The following NTM variants were observed in gnomAD, a reference collection of about 807,000 sequenced individuals.
The protein encoded by NTM is neurotrimin, also known as IgLON family member 2.
NTM carries 13 observed loss-of-function variants against 42.1 expected under a neutral mutation model. That is an observed-to-expected ratio of 0.31 (90% confidence interval 0.20 to 0.49). The LOEUF is 0.49. Among genes scored for constraint, NTM ranks in the 20% least tolerant of loss-of-function variants. NTM has a pLI of 0.99. For synonymous variants in NTM, 187 were observed against 179.2 expected, an observed-to-expected ratio of 1.04 and a Z score of -0.35; for missense variants, 373 against 452.8, an observed-to-expected ratio of 0.82 and a Z score of 1.60.
In NTM at chr11:132,088,281, A is replaced by G. The variant is rs2059979976; in HGVS notation, c.168-58001A>G. Among the ~76,000 whole-genome samples the G allele has an allele frequency of 3.3e-5, 5 of 152,310 alleles. No homozygotes were observed. In the South Asian group the frequency reaches 1.0e-3, roughly 32 times the overall value. The stretch of plus-strand genomic sequence containing the variant: ...GTGGGGCAGCTTCCCCTGCTCTCAG[A>G]AAAAGTCTGAGGATGAGAAAGCTCA... On this transcript the variant is annotated intron_variant, in intron 2 of 8. Transcript: ENST00000683400.
At chr11:131,416,480 A>T (rs1946969562) in intron 1 of NTM, among the ~76,000 whole-genome samples, 1 of 152,162 alleles carries the variant, frequency 6.6e-6, no homozygotes, top group African/African-American at 2.4e-5. Context: ...CAAACACCAT[A>T]GCCTGTCTGC....
chr11:131,785,300 A>G (rs1431122261), intron 1 of NTM, among the ~76,000 whole-genome samples: 1 of 152,210 alleles, frequency 6.6e-6, no homozygotes, highest in Non-Finnish European at 1.5e-5. Flanking sequence ...TGGTGAGGCC[A>G]GCGTCGGATC....
intron 2 of NTM, among the ~76,000 whole-genome samples, chr11:131,954,248 G>A (rs2061334206): frequency 6.6e-6 from 1 of 152,218 alleles, no homozygotes; most frequent in Non-Finnish European, 1.5e-5. Flanking sequence ...AGCAGACAGG[G>A]CAGGAGGCCT....
chr11:132,333,983 G>A (rs940810297), intron 8 of NTM, among the ~76,000 whole-genome samples: 15 of 152,274 alleles, frequency 9.9e-5, no homozygotes, highest in African/African-American at 3.6e-4. Flanking sequence ...TTTGTTCCTT[G>A]TTCCCTAATC....
chr11:132,002,834 A>G lies in NTM; in HGVS notation c.167+91186A>G, dbSNP rs900392105. Among the ~76,000 whole-genome samples, 1 of 151,978 alleles carries G rather than the reference A, an allele frequency of 6.6e-6. No individual in the cohort carries two copies. On this transcript the variant is annotated intron_variant, in intron 2 of 8. Transcript: ENST00000683400. This position sits in a 1 kb window ranked among gnomAD's most constrained non-coding sequence, Gnocchi z 4.5. ...TTATTAAAGTTGAAGATTGAGTTTTATACATTTAAAGTCCTAGAACAAAGC... is the reference window on the plus strand; with the variant it reads ...TTATTAAAGTTGAAGATTGAGTTTTGTACATTTAAAGTCCTAGAACAAAGC...
At chr11:131,830,349 G>A (rs936007699) in intron 1 of NTM, among the ~76,000 whole-genome samples, 13 of 152,092 alleles carry the variant, frequency 8.5e-5, no homozygotes, top group African/African-American at 3.1e-4. Flanking sequence ...TTTGTATATT[G>A]TAAAAGACAG....
chr11:131,457,066 T>C (rs1366878568), intron 1 of NTM, among the ~76,000 whole-genome samples: 2 of 152,206 alleles, frequency 1.3e-5, no homozygotes, highest in African/African-American at 4.8e-5. Flanking sequence ...ATTCAATGAA[T>C]ATCTATCAAG....
chr11:131,396,953 T>A (rs1944631199), intron 1 of NTM, among the ~76,000 whole-genome samples: 1 of 152,176 alleles, frequency 6.6e-6, no homozygotes, highest in African/African-American at 2.4e-5. Context: ...GGACTCTATA[T>A]TTTTAAGACG....
intron 1 of NTM, among the ~76,000 whole-genome samples, chr11:131,793,039 G>T (rs2091147349): frequency 6.6e-6 from 1 of 152,174 alleles, no homozygotes; most frequent in African/African-American, 2.4e-5. Flanking sequence ...TAAAGTGAAG[G>T]CCCTGGAACC....
At chr11:131,891,595 C>T (rs974223615) in intron 1 of NTM, among the ~76,000 whole-genome samples, 3 of 152,088 alleles carry the variant, frequency 2.0e-5, no homozygotes, top group Admixed American at 1.3e-4. Flanking sequence ...TCTGGTTCCC[C>T]GAGGACTCTG....
chr11:132,242,336 CA>C (rs1206372529), intron 4 of NTM, among the ~76,000 whole-genome samples: 1 of 152,016 alleles, frequency 6.6e-6, no homozygotes, highest in Admixed American at 6.5e-5. Flanking sequence ...AATGGAGGAT[CA>C]AGCTGAGTAA....
chr11:132,075,026 G>T (rs1388560379), intron 2 of NTM, among the ~76,000 whole-genome samples: 1 of 152,194 alleles, frequency 6.6e-6, no homozygotes, highest in Non-Finnish European at 1.5e-5. Flanking sequence ...AGGGAATGCT[G>T]CAATATGTGA....
intron 2 of NTM, among the ~76,000 whole-genome samples, chr11:132,018,325 T>G (rs1013275955): frequency 3.3e-5 from 5 of 152,036 alleles, no homozygotes; most frequent in Non-Finnish European, 5.9e-5. Flanking sequence ...GGGAAAACAT[T>G]TAGTCTTTCA....
intron 3 of NTM, among the ~76,000 whole-genome samples, chr11:132,169,551 G>A (rs912490233): frequency 6.6e-6 from 1 of 151,570 alleles, no homozygotes; most frequent in Admixed American, 6.6e-5. Flanking sequence ...TAGCCAGGAT[G>A]GTCTTGATCC....
At chr11:132,131,034 G>T (rs946219267) in intron 2 of NTM, among the ~76,000 whole-genome samples, 2 of 152,192 alleles carry the variant, frequency 1.3e-5, no homozygotes, top group African/African-American at 2.4e-5. Context: ...GCTGTCATGT[G>T]CAAGGAAAGT....
intron 2 of NTM, among the ~76,000 whole-genome samples, chr11:132,100,923 T>C (rs1051746783): frequency 2.6e-5 from 4 of 152,178 alleles, no homozygotes; most frequent in Non-Finnish European, 5.9e-5. Flanking sequence ...CTTTTTCCAT[T>C]CAGTTATCAA....
intron 4 of NTM, among the ~76,000 whole-genome samples, chr11:132,218,199 G>A (rs2084330986): frequency 6.6e-6 from 1 of 152,150 alleles, no homozygotes; most frequent in African/African-American, 2.4e-5. Context: ...GCTGGGGAGG[G>A]GAGAAGAGGG....
intron 1 of NTM, among the ~76,000 whole-genome samples, chr11:131,573,810 C>T (rs1470321069): frequency 6.6e-6 from 1 of 152,112 alleles, no homozygotes; most frequent in Admixed American, 6.5e-5. Flanking sequence ...GCTACTCAGT[C>T]ATCTCTCGAG....
chr11:131,590,075 C>T (rs2059233672), intron 1 of NTM, among the ~76,000 whole-genome samples: 1 of 152,232 alleles, frequency 6.6e-6, no homozygotes, highest in Admixed American at 6.5e-5. Flanking sequence ...TGTAATTTGT[C>T]TTTCAGTCTA....
Sources: gnomAD v4.1 joint callset for allele counts (sites outside exome capture counted in the v4.1 genomes callset) on GRCh38, gnomAD v4.1.1 for gene constraint, Gnocchi (gnomAD v3.1) non-coding constraint, MANE v1.5 for transcripts, NCBI Gene and HGNC (gene_info 2026-07-23, HGNC 2026-07-21) for gene names.